The following MAF variants were observed in gnomAD, a reference collection of about 807,000 sequenced individuals.
The protein encoded by MAF is transcription factor Maf.
MAF carries 10 observed loss-of-function variants against 22.0 expected under a neutral mutation model. That is an observed-to-expected ratio of 0.45 (90% CI 0.28 to 0.77). The LOEUF (loss-of-function observed/expected upper bound fraction) is 0.77. MAF is among the 30% of genes least tolerant of loss of function. The probability of loss-of-function intolerance (pLI) is 0.12; values close to 1 mark genes in which losing one functional copy is unlikely to be tolerated. For synonymous variants in MAF, 337 were observed against 255.8 expected (o/e 1.32, Z -3.03); for missense variants, 544 against 548.4 (o/e 0.99, Z 0.08).
chr16:79,448,489 G>A, the MAF span, among the ~76,000 whole-genome samples: 7 of 151,492 alleles, frequency 4.6e-5, no homozygotes, highest in African/African-American at 1.5e-4. Context: ...ACGGTGGTGC[G>A]ACCTAGGCTC....
the MAF span, among the ~76,000 whole-genome samples, chr16:79,372,327 T>A: frequency 6.6e-6 from 1 of 152,086 alleles, no homozygotes; most frequent in African/African-American, 2.4e-5. Flanking sequence ...AAAGATTTTT[T>A]AAATAATAGA....
chr16:79,493,315 G>T, the MAF span, among the ~76,000 whole-genome samples: 1 of 152,040 alleles, frequency 6.6e-6, no homozygotes, highest in Non-Finnish European at 1.5e-5. Flanking sequence ...CCGAGTAGCC[G>T]GGATTACAGG....
chr16:79,246,099 C>G, the MAF span, among the ~76,000 whole-genome samples: 1 of 152,022 alleles, frequency 6.6e-6, no homozygotes, highest in South Asian at 2.1e-4. Context: ...GGAGAAATAC[C>G]TAATGTAGAT....
chr16:79,257,857 A>G, the MAF span, among the ~76,000 whole-genome samples: 1 of 152,160 alleles, frequency 6.6e-6, no homozygotes, highest in African/African-American at 2.4e-5. Context: ...TATTGATGCT[A>G]TTTTTGAAAG....
the MAF span, among the ~76,000 whole-genome samples, chr16:79,554,090 AAAAC>A: frequency 0.018 from 2,162 of 121,090 alleles, 24 homozygotes; most frequent in Non-Finnish European, 0.022. Flanking sequence ...CTGCCTCTCA[AAAAC>A]AAACAAACAA....
chr16:79,446,869 T>A, the MAF span, among the ~76,000 whole-genome samples: 29 of 151,938 alleles, frequency 1.9e-4, no homozygotes, highest in Non-Finnish European at 1.8e-4. Flanking sequence ...TGAGCTATGA[T>A]CGTGCCACTG....
the MAF span, among the ~76,000 whole-genome samples, chr16:79,333,561 G>A: frequency 6.6e-6 from 1 of 152,102 alleles, no homozygotes; most frequent in African/African-American, 2.4e-5. Flanking sequence ...TTTGCTAGGT[G>A]GACAAAAAGG....
the MAF span, among the ~76,000 whole-genome samples, chr16:79,270,267 GGGC>G: frequency 6.6e-6 from 1 of 152,198 alleles, no homozygotes; most frequent in East Asian, 1.9e-4. Context: ...GCTGGCCTGA[GGGC>G]TGCAGGGGGC....
At chr16:79,521,338 G>C in the MAF span, among the ~76,000 whole-genome samples, 2 of 152,220 alleles carry the variant, frequency 1.3e-5, no homozygotes, top group East Asian at 3.9e-4. Context: ...TGGTTTAATG[G>C]ATGTTCCTTC....
the MAF span, among the ~76,000 whole-genome samples, chr16:79,296,369 G>C: frequency 6.6e-6 from 1 of 152,110 alleles, no homozygotes; most frequent in Admixed American, 6.5e-5. Context: ...GGGCCTGTCG[G>C]GGGGCAGGGT....
At chr16:79,405,338 C>G in the MAF span, among the ~76,000 whole-genome samples, 1 of 152,148 alleles carries the variant, frequency 6.6e-6, no homozygotes, top group African/African-American at 2.4e-5. Context: ...ATTCACTGAC[C>G]TGAGCCTCAC....
the MAF span, among the ~76,000 whole-genome samples, chr16:79,261,741 T>C: frequency 1.6e-3 from 246 of 152,178 alleles, 1 homozygote; most frequent in Middle Eastern, 3.4e-3. Context: ...GAATGAGAAG[T>C]TCCTGCAGCA....
chr16:79,216,841 G>A, the MAF span, among the ~76,000 whole-genome samples: 8 of 145,986 alleles, frequency 5.5e-5, no homozygotes, highest in South Asian at 2.2e-4. Flanking sequence ...ATGGAGTCTC[G>A]CTCTGTCACC....
chr16:79,530,161 A>G, the MAF span, among the ~76,000 whole-genome samples: 22 of 152,192 alleles, frequency 1.4e-4, no homozygotes, highest in South Asian at 2.1e-4. Context: ...AAGATATCCC[A>G]TAACAATTTA....
the MAF span, among the ~76,000 whole-genome samples, chr16:79,220,130 C>A: frequency 6.6e-6 from 1 of 151,780 alleles, no homozygotes; most frequent in South Asian, 2.1e-4. Flanking sequence ...GTGGTGGGCA[C>A]CTGTAGTCCC....
chr16:79,202,929 C>G, the MAF span: 2 of 152,138 alleles, frequency 1.3e-5, no homozygotes, highest in Non-Finnish European at 1.5e-5. Context: ...AGAATGCAAA[C>G]TTTAAAAAAG....
the MAF span, among the ~76,000 whole-genome samples, chr16:79,489,445 G>C: frequency 5.3e-5 from 8 of 152,320 alleles, no homozygotes; most frequent in South Asian, 1.5e-3. Flanking sequence ...TGAGTAAGAG[G>C]AGTTGATTCC....
downstream of MAF, among the ~76,000 whole-genome samples, chr16:79,582,370 T>C (rs1450285944): frequency 6.6e-6 from 1 of 152,232 alleles, no homozygotes; most frequent in Non-Finnish European, 1.5e-5. Flanking sequence ...AAGTAAGTAA[T>C]GAGTGCTGCA....
At chr16:79,429,537 G>C in the MAF span, among the ~76,000 whole-genome samples, 16 of 152,280 alleles carry the variant, frequency 1.1e-4, no homozygotes, top group African/African-American at 3.9e-4. Context: ...GCAGCAGAGA[G>C]AGGGAGGCAG....
Sources: allele counts gnomAD v4.1 joint callset (sites outside exome capture counted in the v4.1 genomes callset), GRCh38; gene constraint gnomAD v4.1.1; transcripts MANE v1.5; gene names NCBI Gene and HGNC (gene_info 2026-07-23, HGNC 2026-07-21).